The following THOC2 variants were observed in gnomAD, a reference collection of about 807,000 sequenced individuals.
THOC2 encodes THO complex subunit 2.
In THOC2, 10 loss-of-function variants were observed where a neutral mutation model predicts 128.4. That is an observed-to-expected ratio of 0.08 (90% confidence interval 0.05 to 0.13). The LOEUF is 0.13. Among genes scored for constraint, THOC2 ranks in the 10% least tolerant of loss-of-function variants. THOC2 has a pLI of 1.00. For missense variants in THOC2, 535 were observed against 1,155.7 expected (o/e 0.46, Z 7.79); for synonymous variants, 393 against 396.9 (o/e 0.99, Z 0.12).
rs761371028 is a variant in THOC2, at chrX:123,659,273, T to C, written c.1386+6369A>G. Among the ~76,000 whole-genome samples the C allele has an allele frequency of 2.7e-5, 3 of 112,322 alleles. No individual in the cohort carries two copies. In the South Asian group the frequency reaches 1.1e-3, roughly 41 times the overall value. On this transcript the variant is annotated intron_variant, in intron 12 of 38. Coordinates refer to ENST00000245838, the MANE Select transcript of THOC2 (RefSeq NM_001081550.2). ...AACTCCAAGGATGGGGCCCAACAAT[T>C]TATTTTAACAAGTCCTTGGCCGGGC...
intron 23 of THOC2, 115 bp downstream of exon 23, chrX:123,627,575 ATAT>A (rs2047313838): frequency 1.3e-6 from 1 of 783,859 alleles, no homozygotes; most frequent in African/African-American, 2.1e-5. Context: ...ATTTAAGAAA[ATAT>A]TATATAGCAA....
rs764861160 is a variant in THOC2 at position 123,688,852 on chromosome X, T to C, written c.602-2138A>G. On this transcript the variant is annotated intron_variant, in intron 7 of 38. Transcript: ENST00000245838. ...CTTCACACTGCTGTAACACTGATGA[T>C]AGATTATGGAAGTAAGATCTAGCAA... Among the ~76,000 whole-genome samples, 10 of 111,977 alleles carry C rather than the reference T, an allele frequency of 8.9e-5. No homozygotes were observed. The East Asian group carries it at 1.4e-3, about 16-fold the overall frequency.
At chrX:123,612,128 G>C (rs910090424) in intron 36 of THOC2, among the ~76,000 whole-genome samples, 2 of 111,462 alleles carry the variant, frequency 1.8e-5, no homozygotes, top group African/African-American at 6.5e-5. Context: ...TCCTCAAAAA[G>C]TTAAACATAG....
At chrX:123,693,331 T>C (rs984435140) in intron 7 of THOC2, among the ~76,000 whole-genome samples, 12 of 111,157 alleles carry the variant, frequency 1.1e-4, no homozygotes, top group East Asian at 2.8e-4. Context: ...CTGGGCATGG[T>C]GGTGCACGCC....
intron 38 of THOC2, among the ~76,000 whole-genome samples, chrX:123,608,789 C>T (rs943079370): frequency 1.8e-4 from 20 of 112,067 alleles, no homozygotes; most frequent in Non-Finnish European, 3.2e-4. Context: ...AATTAAGAGT[C>T]TACCCAAGAA....
In THOC2 at chrX:123,712,798, A is replaced by G; in HGVS notation, c.130+52T>C. On this transcript the variant is annotated intron_variant, in intron 2 of 38. Coordinates refer to ENST00000245838, the MANE Select transcript of THOC2 (RefSeq NM_001081550.2). ...ATACCTAACAATGAATAGAAAGCAG[A>G]CAGTTACTAATTTTAATCAAGAAAT... The G allele has an allele frequency of 6.1e-6, 5 of 819,270 alleles. No individual in the cohort carries two copies. The South Asian group carries it at 1.0e-4, about 16-fold the overall frequency. 67.5% of individuals were successfully genotyped at this position (819,270 alleles called of 1,213,427 possible).
intron 1 of THOC2, among the ~76,000 whole-genome samples, chrX:123,731,261 A>G (rs2052238762): frequency 8.9e-6 from 1 of 111,969 alleles, no homozygotes; most frequent in African/African-American, 3.2e-5. Flanking sequence ...GATTTATCAA[A>G]TAGCCTTCTC....
intron 8 of THOC2, 111 bp downstream of exon 8, chrX:123,686,437 G>T: frequency 1.7e-6 from 1 of 576,915 alleles, no homozygotes; most frequent in Non-Finnish European, 2.6e-6. Context: ...TATCTCTTCT[G>T]CTAGAACACC....
At chrX:123,649,927 C>A (rs766345676) in intron 12 of THOC2, among the ~76,000 whole-genome samples, 4 of 111,311 alleles carry the variant, frequency 3.6e-5, no homozygotes, top group Middle Eastern at 9.3e-3. Flanking sequence ...CAAGACAGGC[C>A]AACATTCAAA....
Position 123,631,782 on chromosome X carries a change from C to T in THOC2, c.2387G>A (p.Arg796Gln), listed in dbSNP as rs1224533506. The T allele has an allele frequency of 4.1e-6, 5 of 1,207,110 alleles. No homozygotes were observed. The highest frequency in any genetic ancestry group is 1.8e-5 in the African/African-American group (1 of 56,975). ...ACAGAGTACATCAATTGAAGGCACT[C>T]GCTTTATATAATCTTCTGTGCTCAG... ...SNLSTEDYIK[R>Q]VPSIDVLCNE... The change falls in exon 22 of 39, where the codon CGA (arginine) becomes CAA (glutamine). Residue 796 changes from arginine to glutamine, a missense_variant. By Grantham distance (43) the Arg-to-Gln change is conservative. This residue lies in a region of THOC2 where 90 missense variants were observed against 298.6 expected (regional missense o/e 0.30). Coordinates refer to ENST00000245838, the MANE Select transcript of THOC2 (RefSeq NM_001081550.2).
intron 19 of THOC2, 115 bp downstream of exon 19, chrX:123,635,964 T>C: frequency 2.1e-6 from 1 of 486,231 alleles, no homozygotes; most frequent in East Asian, 3.7e-5. Flanking sequence ...GCAACTATTC[T>C]ACTTGAGCCT....
intron 7 of THOC2, among the ~76,000 whole-genome samples, chrX:123,690,619 C>T (rs1380437900): frequency 1.8e-5 from 2 of 111,167 alleles, no homozygotes; most frequent in African/African-American, 6.5e-5. Flanking sequence ...GAGATCTTAA[C>T]AGGAAAATAA....
chrX:123,607,852 G>A (rs1045053379), intron 38 of THOC2, among the ~76,000 whole-genome samples: 1 of 110,070 alleles, frequency 9.1e-6, no homozygotes, highest in African/African-American at 3.3e-5. Flanking sequence ...GTAAATAGAC[G>A]GTTCCAATCA....
At chrX:123,708,410 T>C (rs1178533740) in intron 2 of THOC2, among the ~76,000 whole-genome samples, 2 of 111,420 alleles carry the variant, frequency 1.8e-5, no homozygotes, top group Non-Finnish European at 3.8e-5. Context: ...GTATAAGAGG[T>C]CAACTTTATG....
chrX:123,722,223 A>G (rs2051734108), intron 1 of THOC2, among the ~76,000 whole-genome samples: 1 of 111,996 alleles, frequency 8.9e-6, no homozygotes, highest in Non-Finnish European at 1.9e-5. Flanking sequence ...CTGGGTATAT[A>G]CCCAAAGGAT....
chrX:123,725,165 T>G, intron 1 of THOC2, among the ~76,000 whole-genome samples: 1 of 107,508 alleles, frequency 9.3e-6, no homozygotes, highest in Middle Eastern at 5.2e-3. Context: ...ACTAAAAAAA[T>G]TATTCTGAGA....
At chrX:123,638,750 A>G (rs535327687) in intron 17 of THOC2, among the ~76,000 whole-genome samples, 184 bp downstream of exon 17, 1 of 99,170 alleles carries the variant, frequency 1.0e-5, no homozygotes, top group African/African-American at 3.8e-5. Context: ...ACACACACAC[A>G]CTCTCTCTCT....
chrX:123,686,403 T>G (rs1177916551), intron 8 of THOC2, 145 bp downstream of exon 8: 1 of 422,822 alleles, frequency 2.4e-6, no homozygotes, highest in East Asian at 3.8e-5. Context: ...CTTATCACAT[T>G]GCATTGTTAG....
chrX:123,687,371 C>A (rs1215046004), intron 7 of THOC2, among the ~76,000 whole-genome samples: 1 of 111,433 alleles, frequency 9.0e-6, no homozygotes, highest in African/African-American at 3.3e-5. Flanking sequence ...TTCCCACATG[C>A]CTTTCATCAA....
Sources: allele counts gnomAD v4.1 joint callset (sites outside exome capture counted in the v4.1 genomes callset), GRCh38; gene constraint gnomAD v4.1.1; regional missense constraint gnomAD v4.1.1; transcripts MANE v1.5; gene names NCBI Gene and HGNC (gene_info 2026-07-23, HGNC 2026-07-21).